The following LOC128462377 variants were observed in gnomAD, a reference collection of about 807,000 sequenced individuals.
the LOC128462377 span, among the ~76,000 whole-genome samples, chr16:89,385,297 T>G: frequency 1.3e-5 from 2 of 151,412 alleles, no homozygotes; most frequent in African/African-American, 4.9e-5. Context: ...CCCAACTAAT[T>G]TGTGTATTTT....
At chr16:89,376,181 A>G in the LOC128462377 span, among the ~76,000 whole-genome samples, 34 of 152,376 alleles carry the variant, frequency 2.2e-4, no homozygotes, top group Non-Finnish European at 4.3e-4. Context: ...GATTGCTATA[A>G]GAAAGGCAAA....
the LOC128462377 span, among the ~76,000 whole-genome samples, chr16:89,355,521 C>T: frequency 7.2e-5 from 11 of 152,296 alleles, no homozygotes; most frequent in South Asian, 1.9e-3. Context: ...GCCCCATGTC[C>T]GGCACATGCT....
At chr16:89,416,452 C>A in the LOC128462377 span, among the ~76,000 whole-genome samples, 1 of 152,258 alleles carries the variant, frequency 6.6e-6, no homozygotes, top group African/African-American at 2.4e-5. Flanking sequence ...GCATTCGCCA[C>A]CACGTCCGGT....
the LOC128462377 span, among the ~76,000 whole-genome samples, chr16:89,357,120 G>A: frequency 6.6e-6 from 1 of 152,244 alleles, no homozygotes; most frequent in Non-Finnish European, 1.5e-5. Flanking sequence ...GAGGGACAGT[G>A]TAAGGAAGGT....
the LOC128462377 span, among the ~76,000 whole-genome samples, chr16:89,334,026 A>AT: frequency 6.6e-6 from 1 of 151,946 alleles, no homozygotes; most frequent in Non-Finnish European, 1.5e-5. Flanking sequence ...AAATACAGAA[A>AT]TAAGGCCAGG....
chr16:89,366,480 G>A, the LOC128462377 span, among the ~76,000 whole-genome samples: 5 of 152,070 alleles, frequency 3.3e-5, 1 homozygote, highest in African/African-American at 1.2e-4. Context: ...CCACAGACTC[G>A]CCAGCATCTG....
At chr16:89,335,865 G>A in the LOC128462377 span, among the ~76,000 whole-genome samples, 1 of 152,196 alleles carries the variant, frequency 6.6e-6, no homozygotes, top group African/African-American at 2.4e-5. Context: ...TAAAGGGCTA[G>A]GAGAAACGCA....
the LOC128462377 span, chr16:89,324,532 A>G: frequency 1.3e-5 from 6 of 456,028 alleles, no homozygotes; most frequent in Non-Finnish European, 2.2e-5. Context: ...GGAGATTCAC[A>G]TTGAGTCAGT....
the LOC128462377 span, among the ~76,000 whole-genome samples, chr16:89,376,869 C>T: frequency 1.3e-5 from 2 of 152,228 alleles, no homozygotes; most frequent in African/African-American, 4.8e-5. Context: ...GCTAATGCTA[C>T]TGTTTTGTGC....
At chr16:89,366,400 G>C in the LOC128462377 span, among the ~76,000 whole-genome samples, 1 of 152,074 alleles carries the variant, frequency 6.6e-6, no homozygotes, top group Admixed American at 6.6e-5. Flanking sequence ...TAGAGGAATC[G>C]CCATACTGCT....
At chr16:89,379,178 T>G in the LOC128462377 span, among the ~76,000 whole-genome samples, 1 of 152,242 alleles carries the variant, frequency 6.6e-6, no homozygotes, top group Non-Finnish European at 1.5e-5. Flanking sequence ...ACGGCCATTC[T>G]GGGAGCTGCT....
At chr16:89,326,473 G>A in the LOC128462377 span, among the ~76,000 whole-genome samples, 8 of 151,408 alleles carry the variant, frequency 5.3e-5, no homozygotes, top group Non-Finnish European at 1.2e-4. Flanking sequence ...GGCCAGGCAC[G>A]GTGGCTCACC....
At chr16:89,351,933 G>A in the LOC128462377 span, among the ~76,000 whole-genome samples, 142 of 152,232 alleles carry the variant, frequency 9.3e-4, 1 homozygote, top group East Asian at 1.9e-3. Flanking sequence ...CTTTTTTGGA[G>A]ACAGTCTCAC....
At chr16:89,369,754 C>G in the LOC128462377 span, among the ~76,000 whole-genome samples, 1,657 of 152,324 alleles carry the variant, frequency 0.011, 8 homozygotes, top group Non-Finnish European at 0.016. Flanking sequence ...AAGGGTGAAA[C>G]AGCTGTCTAA....
chr16:89,382,049 G>T, the LOC128462377 span, among the ~76,000 whole-genome samples: 1 of 152,212 alleles, frequency 6.6e-6, no homozygotes, highest in Non-Finnish European at 1.5e-5. Flanking sequence ...GCCCAGGGAA[G>T]GTGATGGGAA....
chr16:89,358,646 C>G, the LOC128462377 span, among the ~76,000 whole-genome samples: 1 of 152,208 alleles, frequency 6.6e-6, no homozygotes, highest in Admixed American at 6.5e-5. Flanking sequence ...AAGATTTCAA[C>G]TGTTTACCCA....
the LOC128462377 span, among the ~76,000 whole-genome samples, chr16:89,367,896 C>G: frequency 1.3e-5 from 2 of 152,094 alleles, no homozygotes; most frequent in Non-Finnish European, 1.5e-5. Context: ...ACCGGCTACT[C>G]CAGAGGCTGA....
the LOC128462377 span, among the ~76,000 whole-genome samples, chr16:89,406,539 C>T: frequency 6.6e-6 from 1 of 152,152 alleles, no homozygotes; most frequent in Non-Finnish European, 1.5e-5. Flanking sequence ...GACACACAGG[C>T]ACCAGAGGCT....
At chr16:89,403,247 C>G in the LOC128462377 span, among the ~76,000 whole-genome samples, 3 of 152,176 alleles carry the variant, frequency 2.0e-5, no homozygotes, top group Non-Finnish European at 4.4e-5. Context: ...CAGGAAGTAT[C>G]TGATGCGCAC....
Sources: gnomAD v4.1 joint callset for allele counts (sites outside exome capture counted in the v4.1 genomes callset) on GRCh38, gnomAD v4.1.1 for gene constraint, MANE v1.5 for transcripts.